ANO7: variants seen among roughly 807,000 people sequenced by gnomAD.
ANO7 encodes the protein anoctamin 7, also known as anoctamin-7.
A neutral mutation model predicts 115.8 loss-of-function variants in ANO7; 114 were observed. The observed-to-expected ratio is 0.98, with a 90% CI of 0.85 to 1.15. The LOEUF (loss-of-function observed/expected upper bound fraction) is 1.15. Among genes scored for constraint, ANO7 ranks in the 50% most tolerant of loss-of-function variants. ANO7 has a pLI of 0.00. For missense variants in ANO7, 1,302 were observed against 1,201.2 expected (o/e 1.08, Z -1.24); for synonymous variants, 550 against 498.2 (o/e 1.10, Z -1.38).
At chr2:241,210,193 G>A (rs1297922609) in intron 13 of ANO7, 102 bp from the exon 14 acceptor site, 27 of 1,147,090 alleles carry the variant, frequency 2.4e-5, no homozygotes, top group Non-Finnish European at 3.2e-5. Context: ...GGCAGTGCTG[G>A]GGCCAGCAGT....
downstream of ANO7, chr2:241,230,014 C>T: frequency 1.3e-6 from 2 of 1,572,538 alleles, no homozygotes; most frequent in Non-Finnish European, 1.7e-6. This position sits in a 1 kb window ranked among gnomAD's most constrained non-coding sequence, Gnocchi z 5.0. Context: ...CCCCCAGCAT[C>T]CCGCCCGCCT....
chr2:241,196,050 T>A, intron 4 of ANO7: 1 of 1,430,142 alleles, frequency 7.0e-7, no homozygotes, highest in Non-Finnish European at 9.1e-7. Context: ...CATTGATCCC[T>A]CCTGCACACT....
At chr2:241,227,864 G>C (rs1429196275), downstream of ANO7, 1 of 152,210 alleles carries the variant, frequency 6.6e-6, no homozygotes, top group African/African-American at 2.4e-5. Flanking sequence ...GACAGATCCC[G>C]GGAAAGGCAG....
intron 3 of ANO7, among the ~76,000 whole-genome samples, chr2:241,191,808 C>A (rs1204725086): frequency 2.0e-5 from 3 of 150,822 alleles, no homozygotes; most frequent in Non-Finnish European, 4.4e-5. Context: ...TGAGGATGAG[C>A]GGAAACTGGC....
intron 21 of ANO7, among the ~76,000 whole-genome samples, chr2:241,218,636 A>C (rs1477471984): frequency 6.6e-6 from 1 of 152,262 alleles, no homozygotes; most frequent in Non-Finnish European, 1.5e-5. Context: ...ATAGTGTAGC[A>C]GGACGAGTCG....
Position 241,224,723 on chromosome 2 carries a change from T to TG in ANO7, c.*573dup, listed in dbSNP as rs1312600153. ...ACCCCTCCCTCCATTCCCAGTTATCTGGGTCCTCTGGATTCTTCTGTTTCT... is the reference window on the plus strand; with the variant it reads ...ACCCCTCCCTCCATTCCCAGTTATCTGGGGTCCTCTGGATTCTTCTGTTTCT... On this transcript the variant is annotated 3_prime_UTR_variant, in exon 25 of 25. Transcript: ENST00000674324. The TG allele has an allele frequency of 6.5e-6, 1 of 153,104 alleles. No homozygotes were observed. The highest frequency in any genetic ancestry group is 2.4e-5 in the African/African-American group (1 of 41,442). The allele number at this position is 153,104 out of a possible 1,614,324, so 9.5% of individuals were successfully genotyped here. A position where few individuals can be genotyped will look rare whatever the true frequency, so the allele number is the denominator to read the frequency against.
intron 21 of ANO7, among the ~76,000 whole-genome samples, chr2:241,221,955 C>G (rs889614691): frequency 6.6e-6 from 1 of 152,178 alleles, no homozygotes; most frequent in African/African-American, 2.4e-5. Context: ...ACTGGGATGG[C>G]CGGGCGCGGG....
chr2:241,218,347 T>A lies in ANO7; in HGVS notation c.2287T>A (p.Ser763Thr), dbSNP rs1187863665. 2 of 1,484,190 alleles carry A rather than the reference T, an allele frequency of 1.3e-6. No individual in the cohort carries two copies. The highest frequency in any genetic ancestry group is 8.9e-7 in the Non-Finnish European group (1 of 1,121,688). The allele number at this position is 1,484,190 out of a possible 1,614,324, so 91.9% of individuals were successfully genotyped here. The change falls in exon 21 of 25, where the codon TCC (serine) becomes ACC (threonine). Residue 763 changes from serine to threonine, a missense_variant. Ser to Thr is a moderately conservative substitution (Grantham distance 58). Transcript: ENST00000674324. ...CAACTTCACGCTGGCGCGAGCCCCG[T>A]CCTCCTTCGCCGCCGCGCACAACCG... is the stretch of plus-strand genomic sequence containing the variant. Reference protein sequence around the residue: ...FLNFTLARAPSSFAAAHNRTC... With the variant: ...FLNFTLARAPTSFAAAHNRTC...
Position 241,200,149 on chromosome 2 carries a change from A to G in ANO7, c.478A>G (p.Asn160Asp). The G allele has an allele frequency of 6.2e-7, 1 of 1,613,134 alleles. No individual in the cohort carries two copies. The highest frequency in any genetic ancestry group is 1.3e-5 in the African/African-American group (1 of 75,030). The change falls in exon 6 of 25, where the codon AAC becomes GAC. Residue 160 changes from asparagine (N) to aspartate (D), a missense_variant. Asn to Asp is a conservative substitution (Grantham distance 23, BLOSUM62 1). Transcript: ENST00000674324. ...AGLLAWLGIPNVLLEVVPDVP... is the reference protein window; with the variant it reads ...AGLLAWLGIPDVLLEVVPDVP... Reference sequence around the variant, plus strand: ...CCTGCTGGCATGGCTGGGCATCCCCAACGTCCTGCTGGAGGTTGTGCCAGA... The same window carrying G: ...CCTGCTGGCATGGCTGGGCATCCCCGACGTCCTGCTGGAGGTTGTGCCAGA...
chr2:241,214,692 C>T, intron 17 of ANO7, 113 bp from the exon 18 acceptor site: 1 of 896,822 alleles, frequency 1.1e-6, no homozygotes, highest in Non-Finnish European at 1.7e-6. Flanking sequence ...GTGCCCAAGG[C>T]ATGTCAGGAG....
At chr2:241,239,681 C>T in the ANO7 span, 1 of 1,614,226 alleles carries the variant, frequency 6.2e-7, no homozygotes, top group African/African-American at 1.3e-5. This position sits in a 1 kb window ranked among gnomAD's most constrained non-coding sequence, Gnocchi z 4.6. Flanking sequence ...GACTTTGTCG[C>T]TCTGTGTGCC....
chr2:241,209,272 C>A lies in ANO7; in HGVS notation c.1078-13C>A, dbSNP rs369787801. The A allele has an allele frequency of 6.5e-7, 1 of 1,547,440 alleles. No homozygotes were observed. The highest frequency in any genetic ancestry group is 8.7e-7 in the Non-Finnish European group (1 of 1,146,994). On this transcript the variant is annotated splice_polypyrimidine_tract_variant and intron_variant, in intron 11 of 24. Coordinates refer to ENST00000674324, the MANE Select transcript of ANO7 (RefSeq NM_001370694.2). ...TCCCAAGCAAGTCTGGACGCCCCCGCTCCCTGCCACAGGCCGGCCGGCTGT... is the reference window on the plus strand; with the variant it reads ...TCCCAAGCAAGTCTGGACGCCCCCGATCCCTGCCACAGGCCGGCCGGCTGT...
At chr2:241,227,059 C>T (rs551138683), downstream of ANO7, among the ~76,000 whole-genome samples, 6 of 152,310 alleles carry the variant, frequency 3.9e-5, no homozygotes, top group African/African-American at 1.2e-4. Context: ...TGCAGGGCAA[C>T]TGCTGACTGT....
rs536168289 is a variant in ANO7 at position 241,202,177 on chromosome 2, C to T, written c.613-17C>T. 5 of 1,609,066 alleles carry T rather than the reference C, an allele frequency of 3.1e-6. No individual in the cohort carries two copies. Among genetic ancestry groups the T allele is most frequent in the East Asian group, 2.2e-5 (1 of 44,866 alleles). ...CACGTGACAAGTGACCTGCGCCATC[C>T]TCCACATCCCCTGCAGCTGTTTGAG... On this transcript the variant is annotated splice_polypyrimidine_tract_variant and intron_variant, in intron 7 of 24. Coordinates refer to ENST00000674324, the MANE Select transcript of ANO7 (RefSeq NM_001370694.2).
In ANO7 at chr2:241,209,306, G is replaced by A. The variant is rs753977406; in HGVS notation, c.1099G>A (p.Gly367Ser). The change falls in exon 12 of 25, where the codon GGC becomes AGC. Residue 367 changes from glycine to serine, a missense_variant. By Grantham distance (56) the Gly-to-Ser change is moderately conservative. Transcript: ENST00000674324. ...ACAGGCCGGCCGGCTGTTCGACCAC[G>A]GCGGCACCGTGTTCTTCAGCTTGTT... is the stretch of plus-strand genomic sequence containing the variant. ...LAQAGRLFDHGGTVFFSLFMA... is the reference protein window; with the variant it reads ...LAQAGRLFDHSGTVFFSLFMA... The A allele has an allele frequency of 7.3e-5, 114 of 1,560,894 alleles. No individual in the cohort carries two copies. The highest frequency in any genetic ancestry group is 3.1e-4 in the Admixed American group (16 of 52,452).
chr2:241,220,557 C>T (rs2068987348), intron 21 of ANO7, among the ~76,000 whole-genome samples: 2 of 152,150 alleles, frequency 1.3e-5, no homozygotes, highest in African/African-American at 4.8e-5. Context: ...AAAGGCTGCA[C>T]ACAGTGGCTC....
intron 6 of ANO7, 38 bp downstream of exon 6, chr2:241,200,263 G>A: frequency 6.3e-7 from 1 of 1,593,722 alleles, no homozygotes; most frequent in Non-Finnish European, 8.6e-7. Flanking sequence ...GAAAGAACAG[G>A]AGTGAGTGGG....
At chr2:241,202,997 G>T (rs1010273063) in intron 8 of ANO7, among the ~76,000 whole-genome samples, 1 of 152,186 alleles carries the variant, frequency 6.6e-6, no homozygotes, top group Non-Finnish European at 1.5e-5. Flanking sequence ...CACAGCACAG[G>T]ACACGAGCCT....
At chr2:241,238,631 G>C in the ANO7 span, 7 of 1,539,468 alleles carry the variant, frequency 4.5e-6, no homozygotes, top group Non-Finnish European at 6.2e-6. The surrounding 1 kb of genome is among the most constrained non-coding windows in gnomAD (Gnocchi z 4.9). Flanking sequence ...AGCAGAGCAG[G>C]GCTAATGGGG....
Sources: gnomAD v4.1 joint callset for allele counts (sites outside exome capture counted in the v4.1 genomes callset) on GRCh38, gnomAD v4.1.1 for gene constraint, Gnocchi (gnomAD v3.1) non-coding constraint, MANE v1.5 for transcripts, NCBI Gene and HGNC (gene_info 2026-07-23, HGNC 2026-07-21) for gene names.